FAT4: variants seen among roughly 807,000 people sequenced by gnomAD.
FAT4 encodes protocadherin Fat 4.
FAT4 carries 84 observed loss-of-function variants against 303.9 expected under a neutral mutation model. The ratio of observed to expected loss-of-function variants is 0.28; its 90% CI spans 0.23 to 0.33. FAT4 has a LOEUF of 0.33. FAT4 is among the 10% of genes least tolerant of loss of function. The pLI is 1.00. For synonymous variants in FAT4, 2,307 were observed against 2,298.8 expected (o/e 1.00, Z -0.10); for missense variants, 6,005 against 6,146.8 (o/e 0.98, Z 0.77).
Position 125,317,402 on chromosome 4 carries a change from C to A in FAT4, c.991C>A (p.Pro331Thr). The A allele has an allele frequency of 6.2e-7, 1 of 1,613,524 alleles. No individual in the cohort carries two copies. The part of the protein sequence containing the change: ...LTVQAMDRGV[P>T]SLTGRAEALI... ...GGTGCAGGCGATGGACAGAGGCGTG[C>A]CTTCCCTCACTGGGCGCGCCGAGGC... Residue 331 changes from proline to threonine, a missense_variant, in exon 2 of 18, where the codon CCT (proline) becomes ACT (threonine). Coordinates refer to ENST00000394329, the MANE Select transcript of FAT4 (RefSeq NM_001291303.3). The surrounding 1 kb of genome is among the most constrained non-coding windows in gnomAD (Gnocchi z 7.0).
chr4:125,315,186 A>G lies in FAT4; in HGVS notation c.-804A>G, dbSNP rs1730518704. Among the ~76,000 whole-genome samples, 2 of 151,976 alleles carry G rather than the reference A, an allele frequency of 1.3e-5. No individual in the cohort carries two copies. The highest frequency in any genetic ancestry group is 4.1e-4 in the South Asian group (2 of 4,820). On this transcript the variant is annotated 5_prime_UTR_variant, in exon 1 of 18. Transcript: ENST00000394329. ...CGGAGCCCTAGCTCCACCGCAGTCC[A>G]ACCTTCGGCCCCGGCCGGCGAGAGG...
intron 2 of FAT4, among the ~76,000 whole-genome samples, chr4:125,371,334 T>C (rs1733104349): frequency 2.6e-5 from 4 of 151,830 alleles, no homozygotes; most frequent in Admixed American, 2.6e-4. Context: ...TAATTAGTTA[T>C]ACAAATAATA....
chr4:125,455,885 G>A (rs1726261226), intron 10 of FAT4, among the ~76,000 whole-genome samples: 1 of 152,172 alleles, frequency 6.6e-6, no homozygotes, highest in Admixed American at 6.5e-5. Context: ...TTTGCTACAA[G>A]GAAACAGCTT....
Position 125,318,073 on chromosome 4 carries a change from C to T in FAT4, c.1662C>T (p.Ala554=), listed in dbSNP as rs752996328. The stretch of plus-strand genomic sequence containing the variant: ...CCCAGATTGTTCTGAATATAAGTGC[C>T]CGGGACCAGGGAGTTCACCCCAAGG... ...LASQIVLNIS[A]RDQGVHPKVS... Residue 554 remains alanine (A), a synonymous_variant, in exon 2 of 18, where the codon GCC becomes GCT. Transcript: ENST00000394329. The T allele has an allele frequency of 5.6e-6, 9 of 1,614,088 alleles. No homozygotes were observed. The highest frequency in any genetic ancestry group is 3.3e-5 in the South Asian group (3 of 91,074).
At chr4:125,416,327 T>A (rs1735062646) in intron 6 of FAT4, 121 bp from the exon 7 acceptor site, 1 of 911,656 alleles carries the variant, frequency 1.1e-6, no homozygotes. Context: ...CTTGAAAATC[T>A]AAAAATATAT....
In FAT4 at chr4:125,317,248, G is replaced by A. The variant is rs1381166318; in HGVS notation, c.837G>A (p.Glu279=). 8 of 1,579,538 alleles carry A rather than the reference G, an allele frequency of 5.1e-6. No individual in the cohort carries two copies. Among genetic ancestry groups the A allele is most frequent in the Middle Eastern group, 1.7e-4 (1 of 5,906 alleles). The change falls in exon 2 of 18, where the codon GAG becomes GAA. Residue 279 remains glutamate, a synonymous_variant. Coordinates refer to ENST00000394329, the MANE Select transcript of FAT4 (RefSeq NM_001291303.3). The surrounding 1 kb of genome is among the most constrained non-coding windows in gnomAD (Gnocchi z 7.0). ...VLQVAAADAD[E]GTNADIRYRL... ...AGGTGGCGGCGGCGGACGCGGACGA[G>A]GGCACCAACGCGGACATCCGCTATC...
At chr4:125,474,419 A>G (rs1726960609) in intron 12 of FAT4, among the ~76,000 whole-genome samples, 1 of 151,768 alleles carries the variant, frequency 6.6e-6, no homozygotes, top group Non-Finnish European at 1.5e-5. Flanking sequence ...CATTTTACAG[A>G]TAACTGAAAA....
In FAT4 at chr4:125,321,047, G is replaced by C; in HGVS notation, c.4636G>C (p.Val1546Leu). ...AADPSAVIGSVLTTIMAADPD... is the reference protein window; with the variant it reads ...AADPSAVIGSLLTTIMAADPD... Reference sequence around the variant, plus strand: ...AGACCCATCAGCTGTGATTGGTTCCGTTCTGACAACAATTATGGCTGCTGA... The same window carrying C: ...AGACCCATCAGCTGTGATTGGTTCCCTTCTGACAACAATTATGGCTGCTGA... Residue 1546 changes from valine to leucine, a missense_variant, in exon 2 of 18, where the codon GTT becomes CTT. Coordinates refer to ENST00000394329, the MANE Select transcript of FAT4 (RefSeq NM_001291303.3). 6.2e-7 allele frequency: 1 copy of C among 1,614,152 alleles called. No homozygotes were observed. The highest frequency in any genetic ancestry group is 8.5e-7 in the Non-Finnish European group (1 of 1,180,004).
chr4:125,490,455 G>A lies in FAT4; in HGVS notation c.13639G>A (p.Glu4547Lys). The A allele has an allele frequency of 6.2e-7, 1 of 1,614,096 alleles. No homozygotes were observed. Among genetic ancestry groups the A allele is most frequent in the Non-Finnish European group, 8.5e-7 (1 of 1,180,000 alleles). The part of the protein sequence containing the change: ...KNPKEEKKPK[E>K]KKKKGSENVA... ...TCCCAAAGAGGAGAAGAAACCGAAG[G>A]AGAAGAAGAAAAAGGGAAGTGAGAA... is the stretch of plus-strand genomic sequence containing the variant. Residue 4547 changes from glutamate (E) to lysine (K), a missense_variant, in exon 18 of 18, where the codon GAG becomes AAG. Physicochemically the swap from Glu to Lys is moderately conservative, Grantham distance 56. Transcript: ENST00000394329.
rs1032490177 is a variant in FAT4 at position 125,474,256 on chromosome 4, A to G, written c.12214-1915A>G. Among the ~76,000 whole-genome samples, 5 of 152,050 alleles carry G rather than the reference A, an allele frequency of 3.3e-5. No individual in the cohort carries two copies. In the South Asian group the frequency reaches 8.3e-4, roughly 25 times the overall value. ...CTAATTGAGGCATTTATAAATATCC[A>G]TGTGGTACTTTCTAGTTTATGATAC... On this transcript the variant is annotated intron_variant, in intron 12 of 17. Transcript: ENST00000394329.
intron 2 of FAT4, among the ~76,000 whole-genome samples, chr4:125,378,882 C>T (rs1471291170): frequency 6.6e-6 from 1 of 151,994 alleles, no homozygotes; most frequent in African/African-American, 2.4e-5. Flanking sequence ...AGGGAAATTC[C>T]ACTGGCTATG....
intron 2 of FAT4, among the ~76,000 whole-genome samples, chr4:125,356,509 T>G (rs1233262871): frequency 6.7e-6 from 1 of 150,362 alleles, no homozygotes; most frequent in Non-Finnish European, 1.5e-5. Flanking sequence ...AGAAATAATA[T>G]TCTTCTCTAA....
intron 10 of FAT4, among the ~76,000 whole-genome samples, chr4:125,454,210 T>C (rs1726199610): frequency 1.3e-5 from 2 of 152,264 alleles, no homozygotes; most frequent in African/African-American, 4.8e-5. Context: ...TTCTATGTTA[T>C]ATTTTCAAAA....
chr4:125,319,856 C>T lies in FAT4; in HGVS notation c.3445C>T (p.His1149Tyr). Residue 1149 changes from histidine to tyrosine, a missense_variant, in exon 2 of 18, where the codon CAT (histidine) becomes TAT (tyrosine). Physicochemically the swap from His to Tyr is moderately conservative, Grantham distance 83. Transcript: ENST00000394329. ...FEMVQPDFEL[H>Y]AISGEITNTH... ...AATGGTGCAGCCAGATTTTGAGTTG[C>T]ATGCCATCAGTGGGGAAATTACAAA... is the stretch of plus-strand genomic sequence containing the variant. 1 of 1,614,130 alleles carries T rather than the reference C, an allele frequency of 6.2e-7. No homozygotes were observed. The highest frequency in any genetic ancestry group is 8.5e-7 in the Non-Finnish European group (1 of 1,180,004).
chr4:125,388,464 T>C (rs1222251166), intron 2 of FAT4, among the ~76,000 whole-genome samples: 1 of 152,202 alleles, frequency 6.6e-6, no homozygotes, highest in African/African-American at 2.4e-5. Flanking sequence ...AATTTCCCTT[T>C]GATATGTGTC....
chr4:125,436,841 T>A (rs190384655), intron 8 of FAT4, among the ~76,000 whole-genome samples: 1 of 152,194 alleles, frequency 6.6e-6, no homozygotes, highest in African/African-American at 2.4e-5. Flanking sequence ...ACATGGGGAT[T>A]ATTTTTATTT....
intron 5 of FAT4, among the ~76,000 whole-genome samples, chr4:125,409,161 A>G (rs1439274462): frequency 5.9e-5 from 9 of 152,196 alleles, no homozygotes; most frequent in South Asian, 4.1e-4. Context: ...CTTGAAAAGG[A>G]TAGAATTTCA....
Position 125,448,997 on chromosome 4 carries a change from G to C in FAT4, c.7987G>C (p.Asp2663His). 1.2e-6 allele frequency: 2 copies of C among 1,613,826 alleles called. No individual in the cohort carries two copies. Among genetic ancestry groups the C allele is most frequent in the Non-Finnish European group, 1.7e-6 (2 of 1,179,856 alleles). The change falls in exon 10 of 18, where the codon GAT becomes CAT. Residue 2663 changes from aspartate to histidine, a missense_variant. By Grantham distance (81) the Asp-to-His change is moderately conservative. Transcript: ENST00000394329. ...CGAGAAACTTGATATAACAGTATTA[G>C]ATGTCAATGATAATGCCCCAATTTT... ...SYEKLDITVL[D>H]VNDNAPIFKE...
At chr4:125,483,138 C>G (rs1044447312) in intron 16 of FAT4, among the ~76,000 whole-genome samples, 1 of 152,198 alleles carries the variant, frequency 6.6e-6, no homozygotes, top group African/African-American at 2.4e-5. Context: ...AGAACATCTT[C>G]AGGTTTTAAC....
Sources: gnomAD v4.1 joint callset for allele counts (sites outside exome capture counted in the v4.1 genomes callset) on GRCh38, gnomAD v4.1.1 for gene constraint, Gnocchi (gnomAD v3.1) non-coding constraint, MANE v1.5 for transcripts, NCBI Gene and HGNC (gene_info 2026-07-23, HGNC 2026-07-21) for gene names.